ADAMTS19: variants seen among roughly 807,000 people sequenced by gnomAD.
The protein encoded by ADAMTS19 is ADAM metallopeptidase with thrombospondin type 1 motif 19, also known as A disintegrin and metalloproteinase with thrombospondin motifs 19.
Under a neutral mutation model 153.3 loss-of-function variants are expected in ADAMTS19, and 93 were observed. The observed-to-expected ratio is 0.61, with a 90% CI of 0.51 to 0.72. The LOEUF (loss-of-function observed/expected upper bound fraction) is 0.72, where lower values mean the gene tolerates loss of function less well. Ranked by LOEUF, ADAMTS19 falls within the 30% of genes least tolerant of loss-of-function variation. ADAMTS19 has a pLI of 0.00. For missense variants in ADAMTS19, 1,482 were observed against 1,552.1 expected (o/e 0.95, Z 0.76); for synonymous variants, 600 against 556.6 (o/e 1.08, Z -1.10).
chr5:129,729,061 T>A (rs1475930482), intron 21 of ADAMTS19, among the ~76,000 whole-genome samples: 1 of 152,092 alleles, frequency 6.6e-6, no homozygotes, highest in African/African-American at 2.4e-5. Context: ...ACAGTAACTT[T>A]TAATAATAAA....
intron 7 of ADAMTS19, among the ~76,000 whole-genome samples, chr5:129,585,353 C>T (rs1749730220): frequency 6.6e-6 from 1 of 151,888 alleles, no homozygotes; most frequent in Non-Finnish European, 1.5e-5. Context: ...GCCATCTTGC[C>T]AGCAACCCTC....
At chr5:129,630,547 T>C (rs922014953) in intron 10 of ADAMTS19, among the ~76,000 whole-genome samples, 2 of 152,050 alleles carry the variant, frequency 1.3e-5, no homozygotes, top group African/African-American at 4.8e-5. Flanking sequence ...CTGGAACAAT[T>C]TGACATTCAT....
intron 18 of ADAMTS19, among the ~76,000 whole-genome samples, chr5:129,689,646 C>T (rs1225311072): frequency 6.6e-6 from 1 of 151,962 alleles, no homozygotes; most frequent in African/African-American, 2.4e-5. Context: ...AGGCTGGTCT[C>T]AAACTGCTGA....
chr5:129,499,159 C>T (rs1173707190), intron 2 of ADAMTS19, among the ~76,000 whole-genome samples: 1 of 151,916 alleles, frequency 6.6e-6, no homozygotes, highest in Non-Finnish European at 1.5e-5. Context: ...TTAAAGAATT[C>T]ATAGATAGCC....
rs1158374901 is a variant in ADAMTS19, at chr5:129,564,521, AAAGTT to A, written c.1372+12618_1372+12622del. On this transcript the variant is annotated intron_variant, in intron 7 of 22. Coordinates refer to ENST00000274487, the MANE Select transcript of ADAMTS19 (RefSeq NM_133638.6). ...GGAAGAAAATGTTTGTTAAGAAATA[AAAGTT>A]AAGGGGAGAAATTGGAAGAGATTTT... Among the ~76,000 whole-genome samples the A allele has an allele frequency of 2.0e-4, 30 of 152,326 alleles. 2 individuals carry two copies. Among genetic ancestry groups the A allele is most frequent in the African/African-American group, 6.5e-4 (27 of 41,572 alleles).
intron 20 of ADAMTS19, 47 bp from the exon 21 acceptor site, chr5:129,704,192 T>G (rs773356325): frequency 4.4e-6 from 7 of 1,586,520 alleles, no homozygotes; most frequent in Non-Finnish European, 5.1e-6. Flanking sequence ...ATCATCTATA[T>G]CTCCAATTCA....
Position 129,622,289 on chromosome 5 carries a change from G to T in ADAMTS19, c.1711G>T (p.Ala571Ser). The T allele has an allele frequency of 6.2e-7, 1 of 1,614,098 alleles. No homozygotes were observed. The highest frequency in any genetic ancestry group is 2.2e-5 in the East Asian group (1 of 44,862). ...PSKLPGMTYT[A>S]DEQCQILFGP... ...CAAGCTGCCAGGGATGACATACACTGCTGATGAACAATGCCAGATCCTTTT... is the reference window on the plus strand; with the variant it reads ...CAAGCTGCCAGGGATGACATACACTTCTGATGAACAATGCCAGATCCTTTT... The change falls in exon 10 of 23, where the codon GCT becomes TCT. Residue 571 changes from alanine (A) to serine (S), a missense_variant. By Grantham distance (99) the Ala-to-Ser change is moderately conservative. Transcript: ENST00000274487.
intron 2 of ADAMTS19, among the ~76,000 whole-genome samples, chr5:129,503,684 T>C (rs1397091170): frequency 2.0e-5 from 3 of 151,666 alleles, no homozygotes. Context: ...ACTAAAAATA[T>C]GTGGGTGGTA....
chr5:129,613,993 T>C (rs993036391), intron 8 of ADAMTS19, among the ~76,000 whole-genome samples: 4 of 152,074 alleles, frequency 2.6e-5, no homozygotes, highest in Admixed American at 6.6e-5. Context: ...CAGGAAGAAG[T>C]TGAATCTCTG....
chr5:129,569,640 T>C lies in ADAMTS19; in HGVS notation c.1372+17733T>C, dbSNP rs1302110891. Among the ~76,000 whole-genome samples the C allele has an allele frequency of 3.3e-5, 5 of 152,252 alleles. No homozygotes were observed. The East Asian group carries it at 7.7e-4, about 23-fold the overall frequency. On this transcript the variant is annotated intron_variant, in intron 7 of 22. Coordinates refer to ENST00000274487, the MANE Select transcript of ADAMTS19 (RefSeq NM_133638.6). ...AAGTATATTCCTGGGCAAAATGGAA[T>C]TTAACTTCAAATTAATTACAAAAAG... is the stretch of plus-strand genomic sequence containing the variant.
At chr5:129,535,838 C>A (rs569889390) in intron 6 of ADAMTS19, among the ~76,000 whole-genome samples, 2 of 152,218 alleles carry the variant, frequency 1.3e-5, no homozygotes, top group East Asian at 1.9e-4. Context: ...ATAAATGGTG[C>A]TGGGAAAACT....
At chr5:129,658,309 A>AAAAGAAAGAAAG (rs150048700) in intron 14 of ADAMTS19, among the ~76,000 whole-genome samples, 207 of 113,662 alleles carry the variant, frequency 1.8e-3, no homozygotes, top group African/African-American at 2.9e-3. Flanking sequence ...GAAAGAAAGA[A>AAAAGAAAGAAAG]AAAGAAAGAA....
rs1279086768 is a variant in ADAMTS19 at position 129,578,037 on chromosome 5, TACATAC to T, written c.1373-18518_1373-18513del. ...GAAGGAATTTATTGATTTTCAAACT[TACATAC>T]ACACACACACACACACACACACACA... On this transcript the variant is annotated intron_variant, in intron 7 of 22. Transcript: ENST00000274487. Among the ~76,000 whole-genome samples the T allele has an allele frequency of 6.6e-4, 66 of 100,512 alleles. 1 individual carries two copies. Among genetic ancestry groups the T allele is most frequent in the African/African-American group, 3.5e-3 (62 of 17,660 alleles). The allele number at this position is 100,512 out of a possible 152,430, so 65.9% of individuals were successfully genotyped here. A position where few individuals can be genotyped will look rare whatever the true frequency, so the allele number is the denominator to read the frequency against.
chr5:129,513,130 A>G (rs1025154490), intron 3 of ADAMTS19, among the ~76,000 whole-genome samples: 1 of 151,984 alleles, frequency 6.6e-6, no homozygotes, highest in African/African-American at 2.4e-5. Flanking sequence ...GGCCTCTTCC[A>G]ATATCCTCGA....
intron 7 of ADAMTS19, among the ~76,000 whole-genome samples, chr5:129,564,298 G>C (rs564051411): frequency 3.3e-5 from 5 of 152,232 alleles, no homozygotes; most frequent in Non-Finnish European, 7.4e-5. Context: ...CTGACCTATA[G>C]TAATGTGGAA....
At chr5:129,582,752 T>G (rs1477618622) in intron 7 of ADAMTS19, among the ~76,000 whole-genome samples, 1 of 151,460 alleles carries the variant, frequency 6.6e-6, no homozygotes, top group Admixed American at 6.6e-5. Context: ...TTTTTTTTTT[T>G]TTGTATTTTT....
At chr5:129,733,025 T>A (rs1757508485) in intron 21 of ADAMTS19, among the ~76,000 whole-genome samples, 1 of 152,000 alleles carries the variant, frequency 6.6e-6, no homozygotes, top group Non-Finnish European at 1.5e-5. Flanking sequence ...CCAACTGATC[T>A]TCAACAGAGT....
In ADAMTS19 at chr5:129,461,596, C is replaced by T. The variant is rs1351861712; in HGVS notation, c.586C>T (p.Arg196Cys). Residue 196 changes from arginine (R) to cysteine (C), a missense_variant, in exon 2 of 23, where the codon CGC (arginine) becomes TGC (cysteine). Physicochemically the swap from Arg to Cys is radical, Grantham distance 180. Coordinates refer to ENST00000274487, the MANE Select transcript of ADAMTS19 (RefSeq NM_133638.6). This position sits in a 1 kb window ranked among gnomAD's most constrained non-coding sequence, Gnocchi z 4.6. Reference sequence around the variant, plus strand: ...GAGAGACGGCCGCTTCCTGGCGCCGCGCTTCGCAGTGGAACAGCGGCCAAA... The same window carrying T: ...GAGAGACGGCCGCTTCCTGGCGCCGTGCTTCGCAGTGGAACAGCGGCCAAA... Reference protein sequence around the residue: ...LRRDGRFLAPRFAVEQRPNPG... With the variant: ...LRRDGRFLAPCFAVEQRPNPG... 6.3e-7 allele frequency: 1 copy of T among 1,585,306 alleles called. No homozygotes were observed. Among genetic ancestry groups the T allele is most frequent in the Non-Finnish European group, 8.5e-7 (1 of 1,172,890 alleles).
chr5:129,665,628 C>A lies in ADAMTS19; in HGVS notation c.2506+49C>A, dbSNP rs767295695. 1.6e-5 allele frequency: 23 copies of A among 1,416,910 alleles called. No individual in the cohort carries two copies. The South Asian group carries it at 2.0e-4, about 13-fold the overall frequency. 87.8% of individuals were successfully genotyped at this position (1,416,910 alleles called of 1,614,324 possible). On this transcript the variant is annotated intron_variant, in intron 16 of 22. Transcript: ENST00000274487. ...GAAGATCCAAGTACGAGCCCAACTC[C>A]CTGCCCTGAGAGTTCTATGATGAGG... is the stretch of plus-strand genomic sequence containing the variant.
Sources: allele counts gnomAD v4.1 joint callset (sites outside exome capture counted in the v4.1 genomes callset), GRCh38; gene constraint gnomAD v4.1.1; non-coding constraint Gnocchi (gnomAD v3.1); transcripts MANE v1.5; gene names NCBI Gene and HGNC (gene_info 2026-07-23, HGNC 2026-07-21).